TMEM132D: variants seen among roughly 807,000 people sequenced by gnomAD.
TMEM132D encodes transmembrane protein 132D.
In TMEM132D, 21 loss-of-function variants were observed where a neutral mutation model predicts 62.3. The ratio of observed to expected loss-of-function variants is 0.34; its 90% CI spans 0.24 to 0.49. The LOEUF (loss-of-function observed/expected upper bound fraction) is 0.49. TMEM132D is among the 20% of genes least tolerant of loss of function. The pLI is 0.99. For synonymous variants in TMEM132D, 621 were observed against 575.6 expected (o/e 1.08, Z -1.13); for missense variants, 1,346 against 1,402.8 (o/e 0.96, Z 0.65).
At chr12:129,897,282 G>C (rs959288359) in intron 1 of TMEM132D, among the ~76,000 whole-genome samples, 2 of 152,126 alleles carry the variant, frequency 1.3e-5, no homozygotes. Flanking sequence ...AATCAACAAC[G>C]CATATGTTCA....
chr12:129,165,515 A>G (rs1877517673), intron 5 of TMEM132D, among the ~76,000 whole-genome samples: 1 of 152,126 alleles, frequency 6.6e-6, no homozygotes, highest in Admixed American at 6.6e-5. Flanking sequence ...TGTGTGACAA[A>G]ACAAGCACAG....
chr12:129,420,045 A>G (rs934181138), intron 3 of TMEM132D, among the ~76,000 whole-genome samples: 3 of 152,164 alleles, frequency 2.0e-5, no homozygotes, highest in Non-Finnish European at 2.9e-5. Context: ...AATCAGTTTC[A>G]TCTTAAAAGG....
At chr12:129,828,566 G>A (rs1322006109) in intron 1 of TMEM132D, among the ~76,000 whole-genome samples, 3 of 149,536 alleles carry the variant, frequency 2.0e-5, no homozygotes, top group African/African-American at 7.4e-5. Flanking sequence ...GTTATTATTT[G>A]TGGGAGATAT....
chr12:129,467,410 C>G (rs965279908), intron 3 of TMEM132D, among the ~76,000 whole-genome samples: 6 of 152,158 alleles, frequency 3.9e-5, no homozygotes, highest in African/African-American at 1.4e-4. Context: ...GGTGGCTTCC[C>G]TATAGCTCCA....
intron 1 of TMEM132D, among the ~76,000 whole-genome samples, chr12:129,782,418 T>C (rs1286372707): frequency 1.3e-5 from 2 of 152,224 alleles, no homozygotes; most frequent in Non-Finnish European, 2.9e-5. Flanking sequence ...GATTTACCTT[T>C]CTGTGCCTTT....
chr12:129,127,866 C>T (rs1480336806), intron 5 of TMEM132D, among the ~76,000 whole-genome samples: 1 of 152,210 alleles, frequency 6.6e-6, no homozygotes, highest in African/African-American at 2.4e-5. Flanking sequence ...CTGCCAGGGC[C>T]AGCGGCCTGC....
At chr12:129,319,916 G>A (rs564981687) in intron 4 of TMEM132D, among the ~76,000 whole-genome samples, 1 of 152,278 alleles carries the variant, frequency 6.6e-6, no homozygotes, top group Non-Finnish European at 1.5e-5. Context: ...TATTTCAACA[G>A]GCTACAATGA....
Position 129,700,294 on chromosome 12 carries a change from C to A in TMEM132D, c.484G>T (p.Gly162Trp). Residue 162 changes from glycine (G) to tryptophan (W), a missense_variant, in exon 2 of 9, where the codon GGG becomes TGG. Physicochemically the swap from Gly to Trp is radical, Grantham distance 184. Coordinates refer to ENST00000422113, the MANE Select transcript of TMEM132D (RefSeq NM_133448.3). ...ACCCTCAGGCACGGCAGCTTCTCCCCGGCGCTGCGGTCGTCCCAGTCTCTG... is the reference window on the plus strand; with the variant it reads ...ACCCTCAGGCACGGCAGCTTCTCCCAGGCGCTGCGGTCGTCCCAGTCTCTG... ...MGRDWDDRSA[G>W]EKLPCLRVFA... The A allele has an allele frequency of 6.2e-7, 1 of 1,613,612 alleles. No homozygotes were observed.
At chr12:129,737,535 A>G (rs1407330005) in intron 1 of TMEM132D, among the ~76,000 whole-genome samples, 1 of 152,070 alleles carries the variant, frequency 6.6e-6, no homozygotes, top group African/African-American at 2.4e-5. Context: ...AAGGGCATGC[A>G]TCCTCTCATT....
chr12:129,861,298 C>G (rs1484805843), intron 1 of TMEM132D, among the ~76,000 whole-genome samples: 1 of 152,168 alleles, frequency 6.6e-6, no homozygotes, highest in Non-Finnish European at 1.5e-5. Context: ...CAAAACTGCC[C>G]TTGGTTACTC....
intron 1 of TMEM132D, among the ~76,000 whole-genome samples, chr12:129,895,719 A>G (rs1875088024): frequency 6.6e-6 from 1 of 152,190 alleles, no homozygotes; most frequent in Non-Finnish European, 1.5e-5. Flanking sequence ...GTCAATCTAG[A>G]ATATTTTTAA....
intron 3 of TMEM132D, among the ~76,000 whole-genome samples, chr12:129,516,333 C>T (rs1371862903): frequency 6.6e-6 from 1 of 152,204 alleles, no homozygotes; most frequent in Non-Finnish European, 1.5e-5. Flanking sequence ...CCTAGTTCCA[C>T]CATGTATTAG....
chr12:129,642,732 C>T (rs569772337), intron 2 of TMEM132D, among the ~76,000 whole-genome samples: 10 of 152,230 alleles, frequency 6.6e-5, no homozygotes, highest in East Asian at 1.9e-4. Context: ...TACTTTGCAA[C>T]GCAACCTCAC....
At chr12:129,130,015 CTGTGTGTGTGTG>C (rs59282376) in intron 5 of TMEM132D, among the ~76,000 whole-genome samples, 151 of 141,952 alleles carry the variant, frequency 1.1e-3, no homozygotes, top group African/African-American at 1.5e-3. Flanking sequence ...AAGCTCTGCT[CTGTGTGTGTGTG>C]TGTGTGTGTG....
At chr12:129,273,385 C>T (rs1352170333) in intron 4 of TMEM132D, among the ~76,000 whole-genome samples, 1 of 149,352 alleles carries the variant, frequency 6.7e-6, no homozygotes, top group East Asian at 2.0e-4. Flanking sequence ...CCACTTGCTC[C>T]AGCAATCCCA....
At chr12:129,630,231 C>T (rs1026324966) in intron 2 of TMEM132D, among the ~76,000 whole-genome samples, 7 of 152,216 alleles carry the variant, frequency 4.6e-5, no homozygotes, top group Middle Eastern at 3.4e-3. Flanking sequence ...TTATATGTCA[C>T]GTGTGTGTTT....
chr12:129,801,444 G>GC (rs1472213628), intron 1 of TMEM132D, among the ~76,000 whole-genome samples: 1 of 151,684 alleles, frequency 6.6e-6, no homozygotes, highest in Non-Finnish European at 1.5e-5. Context: ...ACCTCACACG[G>GC]CAGGGTATTC....
intron 3 of TMEM132D, among the ~76,000 whole-genome samples, chr12:129,343,255 G>A (rs1268607731): frequency 6.6e-6 from 1 of 152,174 alleles, no homozygotes; most frequent in Non-Finnish European, 1.5e-5. Context: ...CATAAAAAAT[G>A]ATGAGTTCAT....
At position 129,272,876 on chromosome 12, in the gene TMEM132D, C is replaced by T. The variant is rs572122535; in HGVS notation, c.1300-63213G>A. On this transcript the variant is annotated intron_variant, in intron 4 of 8. Transcript: ENST00000422113. ...AGGAGTTCGAAACTAGCCAGGCCAA[C>T]GTGATGAAACCCCATCTCTACTAAA... Among the ~76,000 whole-genome samples, 402 of 151,866 alleles carry T rather than the reference C, an allele frequency of 2.6e-3. 18 individuals carry two copies. Among genetic ancestry groups the T allele is most frequent in the African/African-American group, 9.3e-3 (381 of 41,182 alleles).
Sources: gnomAD v4.1 joint callset for allele counts (sites outside exome capture counted in the v4.1 genomes callset) on GRCh38, gnomAD v4.1.1 for gene constraint, MANE v1.5 for transcripts, NCBI Gene and HGNC (gene_info 2026-07-23, HGNC 2026-07-21) for gene names.